CCDC102B: variants seen among roughly 807,000 people sequenced by gnomAD.
CCDC102B encodes the protein coiled-coil domain-containing protein 102B.
Under a neutral mutation model 57.4 loss-of-function variants are expected in CCDC102B, and 75 were observed. That is an observed-to-expected ratio of 1.31 (90% CI 1.08 to 1.58). The LOEUF (loss-of-function observed/expected upper bound fraction) is 1.58, where lower values mean the gene tolerates loss of function less well. CCDC102B is among the 40% of genes most tolerant of loss of function. The pLI is 0.00. For synonymous variants in CCDC102B, 206 were observed against 201.9 expected (o/e 1.02, Z -0.17); for missense variants, 636 against 582.6 (o/e 1.09, Z -0.94).
chr18:68,746,696 C>A (rs564744344), intron 2 of CCDC102B, among the ~76,000 whole-genome samples: 2 of 151,704 alleles, frequency 1.3e-5, no homozygotes, highest in Admixed American at 1.3e-4. Context: ...TCTTTCTTTT[C>A]GTCCCACGGA....
At position 68,826,080 on chromosome 18, in the gene CCDC102B, C is replaced by T. The variant is rs572885011; in HGVS notation, c.-15-10669C>T. On this transcript the variant is annotated intron_variant, in intron 1 of 7. Coordinates refer to ENST00000360242, the MANE Select transcript of CCDC102B (RefSeq NM_024781.3). Reference sequence around the variant, plus strand: ...TAAAATGCATTTTTCTGACAATTCACATTCTTTTAATAGACTGCAGACACA... The same window carrying T: ...TAAAATGCATTTTTCTGACAATTCATATTCTTTTAATAGACTGCAGACACA... Among the ~76,000 whole-genome samples, 6 of 152,284 alleles carry T rather than the reference C, an allele frequency of 3.9e-5. No individual in the cohort carries two copies. In the South Asian group the frequency reaches 1.0e-3, roughly 26 times the overall value.
At chr18:68,907,241 A>G (rs1479777225) in intron 6 of CCDC102B, among the ~76,000 whole-genome samples, 1 of 152,086 alleles carries the variant, frequency 6.6e-6, no homozygotes, top group Non-Finnish European at 1.5e-5. Flanking sequence ...AAGTGCGAGT[A>G]TTTCAACTTT....
intron 1 of CCDC102B, among the ~76,000 whole-genome samples, chr18:68,798,609 A>G (rs1346000535): frequency 6.6e-6 from 1 of 152,144 alleles, no homozygotes; most frequent in Non-Finnish European, 1.5e-5. Flanking sequence ...CCTCCTATCT[A>G]TGCCTCATGT....
chr18:68,791,403 G>T (rs1185912295), intron 2 of CCDC102B, among the ~76,000 whole-genome samples: 1 of 152,136 alleles, frequency 6.6e-6, no homozygotes, highest in Non-Finnish European at 1.5e-5. Flanking sequence ...TATTGATTTA[G>T]ATGTATTAAG....
At chr18:68,820,280 T>G (rs2036642515) in intron 1 of CCDC102B, among the ~76,000 whole-genome samples, 1 of 152,180 alleles carries the variant, frequency 6.6e-6, no homozygotes, top group Non-Finnish European at 1.5e-5. Context: ...TGTTGAATTT[T>G]ACCAAATGCA....
At chr18:68,994,559 A>G (rs966646059) in intron 6 of CCDC102B, among the ~76,000 whole-genome samples, 2 of 151,584 alleles carry the variant, frequency 1.3e-5, no homozygotes, top group African/African-American at 2.4e-5. Flanking sequence ...AGGTGAAGGT[A>G]ATTGAATCAT....
intron 2 of CCDC102B, among the ~76,000 whole-genome samples, chr18:68,763,615 G>A (rs2034324973): frequency 6.6e-6 from 1 of 151,796 alleles, no homozygotes; most frequent in African/African-American, 2.4e-5. Context: ...ACTCAATAAT[G>A]ATAAAAATAT....
intron 2 of CCDC102B, chr18:68,754,108 A>G (rs1458144052): frequency 6.6e-6 from 1 of 152,162 alleles, no homozygotes; most frequent in Admixed American, 6.6e-5. Flanking sequence ...AGAAAAACAT[A>G]TTATTACTTG....
chr18:68,961,029 A>G (rs1356400633), intron 6 of CCDC102B, among the ~76,000 whole-genome samples: 3 of 152,208 alleles, frequency 2.0e-5, no homozygotes, highest in Non-Finnish European at 2.9e-5. Context: ...GGCTTCTTAT[A>G]TAAGTAATTA....
intron 2 of CCDC102B, among the ~76,000 whole-genome samples, chr18:68,750,194 G>A (rs1239956772): frequency 1.3e-5 from 2 of 152,100 alleles, no homozygotes; most frequent in African/African-American, 4.8e-5. Context: ...TTCAAAAAAT[G>A]TTCATCATCA....
At chr18:69,046,576 GT>G (rs2052572580) in intron 7 of CCDC102B, among the ~76,000 whole-genome samples, 1 of 152,008 alleles carries the variant, frequency 6.6e-6, no homozygotes, top group Admixed American at 6.6e-5. Flanking sequence ...TTATTTTGCT[GT>G]TCAGAAGGTC....
intron 6 of CCDC102B, among the ~76,000 whole-genome samples, chr18:68,940,630 A>C (rs1372534802): frequency 1.3e-5 from 2 of 151,910 alleles, no homozygotes; most frequent in Admixed American, 6.6e-5. Flanking sequence ...CTTTGTTTAT[A>C]AAAAAGCTTA....
At chr18:68,929,443 G>T (rs1049392186) in intron 6 of CCDC102B, among the ~76,000 whole-genome samples, 4 of 151,970 alleles carry the variant, frequency 2.6e-5, no homozygotes, top group Non-Finnish European at 4.4e-5. Flanking sequence ...TCGTTTTACT[G>T]AGGAAAGACA....
intron 6 of CCDC102B, among the ~76,000 whole-genome samples, chr18:68,958,352 C>A (rs1302587362): frequency 6.6e-6 from 1 of 152,134 alleles, no homozygotes; most frequent in African/African-American, 2.4e-5. Flanking sequence ...GTCTTTCATT[C>A]TGTTGATATG....
intron 6 of CCDC102B, among the ~76,000 whole-genome samples, chr18:68,988,557 A>C (rs1243774757): frequency 7.7e-6 from 1 of 130,134 alleles, no homozygotes; most frequent in African/African-American, 3.6e-5. Flanking sequence ...TTGAAATTAC[A>C]AAAAAAAACA....
intron 2 of CCDC102B, among the ~76,000 whole-genome samples, chr18:68,781,395 CA>C: frequency 6.6e-6 from 1 of 152,138 alleles, no homozygotes; most frequent in African/African-American, 2.4e-5. Context: ...ATCTGTAACA[CA>C]ATAATTTTAT....
intron 1 of CCDC102B, among the ~76,000 whole-genome samples, chr18:68,823,117 A>G (rs1260629598): frequency 6.6e-6 from 1 of 152,158 alleles, no homozygotes; most frequent in East Asian, 1.9e-4. Context: ...CCAAGCCTCC[A>G]CTTCAGCCTC....
At chr18:68,780,159 CCT>C (rs1278283191) in intron 2 of CCDC102B, among the ~76,000 whole-genome samples, 6 of 152,018 alleles carry the variant, frequency 3.9e-5, no homozygotes, top group African/African-American at 1.4e-4. Flanking sequence ...CATAATGTCT[CCT>C]AACTTTCTCA....
In CCDC102B at chr18:69,010,969, A is replaced by C; in HGVS notation, c.1299A>C (p.Leu433=). 1 of 1,612,138 alleles carries C rather than the reference A, an allele frequency of 6.2e-7. No homozygotes were observed. Among genetic ancestry groups the C allele is most frequent in the South Asian group, 1.1e-5 (1 of 90,820 alleles). The change falls in exon 7 of 8, where the codon CTA becomes CTC. Residue 433 remains leucine (L), a synonymous_variant. Coordinates refer to ENST00000360242, the MANE Select transcript of CCDC102B (RefSeq NM_024781.3). ...LLNLQHAYYK[L]NRQYQANIAE... is the part of the protein sequence containing the mutation. ...ACCTTCAACATGCCTACTATAAACT[A>C]AACAGACAATACCAGGCAAATATTG... is the stretch of plus-strand genomic sequence containing the variant.
Sources: allele counts gnomAD v4.1 joint callset (sites outside exome capture counted in the v4.1 genomes callset), GRCh38; gene constraint gnomAD v4.1.1; transcripts MANE v1.5; gene names NCBI Gene and HGNC (gene_info 2026-07-23, HGNC 2026-07-21).